The following HTR1E variants were observed in gnomAD, a reference collection of about 807,000 sequenced individuals.
The protein encoded by HTR1E is 5-HT-1E.
HTR1E carries 3 observed loss-of-function variants against 3.4 expected under a neutral mutation model. The ratio of observed to expected loss-of-function variants is 0.89; its 90% CI spans 0.41 to 2.31. HTR1E has a LOEUF of 2.31. Ranked by LOEUF, HTR1E falls within the 30% of genes most tolerant of loss-of-function variation. The pLI is 0.05. For synonymous variants in HTR1E, 170 were observed against 182.8 expected, an observed-to-expected ratio of 0.93 and a Z score of 0.56; for missense variants, 392 against 467.0, an observed-to-expected ratio of 0.84 and a Z score of 1.48.
chr6:87,008,741 T>C (rs941324981), intron 1 of HTR1E, among the ~76,000 whole-genome samples: 17 of 152,186 alleles, frequency 1.1e-4, no homozygotes, highest in Admixed American at 3.9e-4. Context: ...GGCTGAATTA[T>C]TATTTACATT....
At chr6:86,941,866 A>AAAGGAAGG (rs202232341) in intron 1 of HTR1E, among the ~76,000 whole-genome samples, 5 of 151,500 alleles carry the variant, frequency 3.3e-5, no homozygotes, top group Non-Finnish European at 7.4e-5. Flanking sequence ...AGGAAAGAAG[A>AAAGGAAGG]AAGGAAGGAA....
At chr6:86,959,102 C>G (rs956123474) in intron 1 of HTR1E, among the ~76,000 whole-genome samples, 2 of 152,078 alleles carry the variant, frequency 1.3e-5, no homozygotes, top group African/African-American at 4.8e-5. Flanking sequence ...GATATTGCAA[C>G]TCAAGTCTGA....
At chr6:86,971,413 T>A (rs150921444) in intron 1 of HTR1E, among the ~76,000 whole-genome samples, 2,126 of 152,292 alleles carry the variant, frequency 0.014, 46 homozygotes, top group African/African-American at 0.047. Context: ...AAGAAAGGCA[T>A]CATGGATATG....
At chr6:86,981,629 G>T in intron 1 of HTR1E, among the ~76,000 whole-genome samples, 1 of 152,202 alleles carries the variant, frequency 6.6e-6, no homozygotes, top group Non-Finnish European at 1.5e-5. Context: ...TTCCATGCCA[G>T]CTGTCACATG....
At chr6:86,993,835 C>T (rs367681733) in intron 1 of HTR1E, among the ~76,000 whole-genome samples, 3 of 151,546 alleles carry the variant, frequency 2.0e-5, no homozygotes, top group Non-Finnish European at 2.9e-5. Flanking sequence ...AATCTGCAGA[C>T]GAAAAGGATT....
chr6:87,013,674 A>C (rs559652060), intron 1 of HTR1E, among the ~76,000 whole-genome samples: 2 of 152,094 alleles, frequency 1.3e-5, no homozygotes, highest in African/African-American at 4.8e-5. Flanking sequence ...ATGTAAAAAA[A>C]AGCCTTTTTA....
chr6:87,007,470 G>A (rs927826923), intron 1 of HTR1E, among the ~76,000 whole-genome samples: 1 of 152,110 alleles, frequency 6.6e-6, no homozygotes, highest in Non-Finnish European at 1.5e-5. Context: ...TAAAATAACA[G>A]AGTACAATTG....
At chr6:86,954,687 T>C (rs907391598) in intron 1 of HTR1E, among the ~76,000 whole-genome samples, 1 of 152,022 alleles carries the variant, frequency 6.6e-6, no homozygotes, top group African/African-American at 2.4e-5. Context: ...AATTCAACTC[T>C]CCAAATGAAG....
At chr6:86,971,958 T>A (rs1283916517) in intron 1 of HTR1E, among the ~76,000 whole-genome samples, 1 of 152,178 alleles carries the variant, frequency 6.6e-6, no homozygotes, top group African/African-American at 2.4e-5. Flanking sequence ...ATTTACTTAG[T>A]GTAATCTACA....
At chr6:86,961,550 G>A (rs1345126700) in intron 1 of HTR1E, among the ~76,000 whole-genome samples, 1 of 152,112 alleles carries the variant, frequency 6.6e-6, no homozygotes, top group Non-Finnish European at 1.5e-5. Flanking sequence ...CTTATCAGCG[G>A]ATTTAATGAT....
intron 1 of HTR1E, among the ~76,000 whole-genome samples, chr6:87,011,050 A>G (rs1344117263): frequency 6.6e-6 from 1 of 152,202 alleles, no homozygotes; most frequent in Non-Finnish European, 1.5e-5. Context: ...TAAGATGCTT[A>G]AACTTTTAAT....
chr6:86,975,644 C>G (rs1767625041), intron 1 of HTR1E, among the ~76,000 whole-genome samples: 2 of 152,008 alleles, frequency 1.3e-5, no homozygotes, highest in African/African-American at 2.4e-5. Flanking sequence ...GACATCCTCT[C>G]ACTCTGATTA....
intron 1 of HTR1E, among the ~76,000 whole-genome samples, chr6:87,003,364 C>G (rs1768052705): frequency 6.6e-6 from 1 of 151,978 alleles, no homozygotes; most frequent in African/African-American, 2.4e-5. Flanking sequence ...ATGGCAAAAC[C>G]CCATCTCTAC....
At chr6:86,984,537 A>C (rs560639257) in intron 1 of HTR1E, among the ~76,000 whole-genome samples, 40 of 152,372 alleles carry the variant, frequency 2.6e-4, no homozygotes, top group Admixed American at 1.2e-3. Context: ...GCTGATTTTA[A>C]GAACTTAATT....
intron 1 of HTR1E, among the ~76,000 whole-genome samples, chr6:86,974,042 CCTT>C (rs748666464): frequency 1.3e-5 from 2 of 150,856 alleles, no homozygotes; most frequent in African/African-American, 2.5e-5. Flanking sequence ...TCAAACATCT[CCTT>C]CTCCACAAAA....
Position 87,003,458 on chromosome 6 carries a change from G to C in HTR1E, c.-185-11692G>C, listed in dbSNP as rs192294682. Among the ~76,000 whole-genome samples, 162 of 151,928 alleles carry C rather than the reference G, an allele frequency of 1.1e-3. 1 individual carries two copies. The highest frequency in any genetic ancestry group is 3.4e-3 in the Middle Eastern group (1 of 294). On this transcript the variant is annotated intron_variant, in intron 1 of 1. Coordinates refer to ENST00000305344, the MANE Select transcript of HTR1E (RefSeq NM_000865.3). ...AGAGGCTAAGGCAGGAGAATTGCTT[G>C]AACCTGGGATGCAGAGGTTGCAGTG...
chr6:87,013,558 G>C (rs556873822), intron 1 of HTR1E, among the ~76,000 whole-genome samples: 11 of 152,036 alleles, frequency 7.2e-5, no homozygotes, highest in East Asian at 1.9e-4. Flanking sequence ...TATTTACTGT[G>C]AAAGTTTAAA....
At chr6:86,944,973 C>T (rs1025467939) in intron 1 of HTR1E, among the ~76,000 whole-genome samples, 2 of 151,844 alleles carry the variant, frequency 1.3e-5, no homozygotes, top group Non-Finnish European at 2.9e-5. Flanking sequence ...TATACATTTA[C>T]TGTACTATAC....
intron 1 of HTR1E, among the ~76,000 whole-genome samples, chr6:86,960,477 T>G (rs1767389576): frequency 6.6e-6 from 1 of 152,030 alleles, no homozygotes; most frequent in Non-Finnish European, 1.5e-5. Flanking sequence ...TTGAAAAGCT[T>G]ATATTTGGGG....
Sources: gnomAD v4.1 joint callset for allele counts (sites outside exome capture counted in the v4.1 genomes callset) on GRCh38, gnomAD v4.1.1 for gene constraint, MANE v1.5 for transcripts, NCBI Gene and HGNC (gene_info 2026-07-23, HGNC 2026-07-21) for gene names.